The following CLIP2 variants were observed in gnomAD, a reference collection of about 807,000 sequenced individuals.
CLIP2 encodes the protein CAP-Gly domain-containing linker protein 2.
Under a neutral mutation model 111.7 loss-of-function variants are expected in CLIP2, and 41 were observed. The observed-to-expected ratio is 0.37, with a 90% CI of 0.29 to 0.48. The LOEUF (loss-of-function observed/expected upper bound fraction) is 0.48, where lower values mean the gene tolerates loss of function less well. Ranked by LOEUF, CLIP2 falls within the 20% of genes least tolerant of loss-of-function variation. CLIP2 has a pLI of 0.99. For missense variants in CLIP2, 1,160 were observed against 1,422.1 expected, an observed-to-expected ratio of 0.82 and a Z score of 2.96; for synonymous variants, 660 against 644.2, an observed-to-expected ratio of 1.02 and a Z score of -0.37.
At chr7:74,305,784 G>A (rs370142829) in intron 1 of CLIP2, among the ~76,000 whole-genome samples, 24 of 149,054 alleles carry the variant, frequency 1.6e-4, no homozygotes, top group East Asian at 3.9e-4. Context: ...ATGAGTCACC[G>A]CACCCGGTCA....
Position 74,376,864 on chromosome 7 carries a change from G to A in CLIP2, c.2421+42G>A. ...CCTGCTGGGGCGGGAGGGTCGGGCTGGGGAGGGCTTGGCCTTTTGCTGACC... is the reference window on the plus strand; with the variant it reads ...CCTGCTGGGGCGGGAGGGTCGGGCTAGGGAGGGCTTGGCCTTTTGCTGACC... On this transcript the variant is annotated intron_variant, in intron 10 of 16. Transcript: ENST00000223398. This position sits in a 1 kb window ranked among gnomAD's most constrained non-coding sequence, Gnocchi z 7.1. 6.7e-7 allele frequency: 1 copy of A among 1,487,426 alleles called. No individual in the cohort carries two copies. Among genetic ancestry groups the A allele is most frequent in the East Asian group, 2.4e-5 (1 of 41,076 alleles). The allele number at this position is 1,487,426 out of a possible 1,614,324, so 92.1% of individuals were successfully genotyped here.
intron 2 of CLIP2, among the ~76,000 whole-genome samples, chr7:74,318,402 A>G (rs1419037513): frequency 4.6e-5 from 7 of 151,994 alleles, no homozygotes; most frequent in Admixed American, 3.9e-4. Flanking sequence ...TTTCTTACCT[A>G]TTCTCTGCAG....
At chr7:74,335,502 CATTT>C (rs60843727) in intron 2 of CLIP2, among the ~76,000 whole-genome samples, 1 of 149,238 alleles carries the variant, frequency 6.7e-6, no homozygotes, top group Non-Finnish European at 1.5e-5. Context: ...CTTATTTATT[CATTT>C]ATTTATTTAT....
In CLIP2 at chr7:74,376,542, A is replaced by G. The variant is rs1234784073; in HGVS notation, c.2141A>G (p.His714Arg). 1 of 1,604,666 alleles carries G rather than the reference A, an allele frequency of 6.2e-7. No homozygotes were observed. The highest frequency in any genetic ancestry group is 1.7e-5 in the Admixed American group (1 of 57,314). ...RAQLEVQASQ[H>R]RLELQEAQDQ... ...CAGCTGGAGGTGCAAGCCAGCCAGC[A>G]CCGGCTGGAGCTGCAGGAGGCCCAG... Residue 714 changes from histidine to arginine, a missense_variant, in exon 10 of 17, where the codon CAC becomes CGC. By Grantham distance (29) the His-to-Arg change is conservative. Around this residue, in one of 5 missense-constraint regions of CLIP2, gnomAD observed 676 missense variants for 777.8 expected, o/e 0.87. Transcript: ENST00000223398. The surrounding 1 kb of genome is among the most constrained non-coding windows in gnomAD (Gnocchi z 7.1).
intron 1 of CLIP2, among the ~76,000 whole-genome samples, chr7:74,312,695 C>T (rs1788671526): frequency 6.6e-6 from 1 of 152,132 alleles, no homozygotes; most frequent in African/African-American, 2.4e-5. Flanking sequence ...CCCCAGAATT[C>T]CCGGGGCACC....
intron 10 of CLIP2, among the ~76,000 whole-genome samples, chr7:74,378,705 A>C (rs766486934): frequency 6.6e-6 from 1 of 152,136 alleles, no homozygotes; most frequent in Non-Finnish European, 1.5e-5. Flanking sequence ...GCACCACTGC[A>C]CTCCAGCCTG....
chr7:74,398,942 C>G (rs1209313483), intron 14 of CLIP2, among the ~76,000 whole-genome samples: 1 of 152,190 alleles, frequency 6.6e-6, no homozygotes, highest in Non-Finnish European at 1.5e-5. Flanking sequence ...GTCAAGTTTA[C>G]TTGGGAAGTG....
At chr7:74,351,253 G>T (rs1166464799) in intron 3 of CLIP2, among the ~76,000 whole-genome samples, 10 of 151,712 alleles carry the variant, frequency 6.6e-5, no homozygotes, top group Admixed American at 5.9e-4. Flanking sequence ...CTTGAGCCCG[G>T]AAGTTTGAGA....
intron 10 of CLIP2, chr7:74,379,937 AC>A (rs1394494074): frequency 4.6e-5 from 7 of 151,612 alleles, no homozygotes; most frequent in African/African-American, 1.7e-4. Flanking sequence ...TCAGGGCGAG[AC>A]TCCTTCTCAA....
At chr7:74,397,732 T>C (rs1791499799) in intron 14 of CLIP2, among the ~76,000 whole-genome samples, 4 of 145,378 alleles carry the variant, frequency 2.8e-5, no homozygotes. Context: ...AGTGGCGCGA[T>C]CTCAGCTCAC....
chr7:74,386,503 C>G lies in CLIP2; in HGVS notation c.2480-18C>G. 1.9e-6 allele frequency: 3 copies of G among 1,606,770 alleles called. No individual in the cohort carries two copies. The highest frequency in any genetic ancestry group is 2.6e-6 in the Non-Finnish European group (3 of 1,174,838). Reference sequence around the variant, plus strand: ...GTCCAGGAGCATTGATGCTTCTCGTCTCTCCTCTCTCCCCTAGGCCTGCAG... The same window carrying G: ...GTCCAGGAGCATTGATGCTTCTCGTGTCTCCTCTCTCCCCTAGGCCTGCAG... On this transcript the variant is annotated intron_variant, in intron 11 of 16. Transcript: ENST00000223398.
chr7:74,304,882 C>A (rs1788432882), intron 1 of CLIP2, among the ~76,000 whole-genome samples: 1 of 151,810 alleles, frequency 6.6e-6, no homozygotes, highest in South Asian at 2.1e-4. Context: ...GAGTTCAAGG[C>A]TACAGTGAGC....
chr7:74,346,939 TGAG>T (rs1409757004), intron 3 of CLIP2, among the ~76,000 whole-genome samples: 1 of 152,004 alleles, frequency 6.6e-6, no homozygotes, highest in African/African-American at 2.4e-5. Flanking sequence ...CTCAGGAGGC[TGAG>T]GAGGGAGGAC....
At chr7:74,300,457 C>CT (rs34522776) in intron 1 of CLIP2, among the ~76,000 whole-genome samples, 72 of 130,410 alleles carry the variant, frequency 5.5e-4, no homozygotes, top group African/African-American at 7.1e-4. Context: ...TGATTTCATT[C>CT]TTTTTTTTTT....
chr7:74,296,299 A>G (rs935368523), intron 1 of CLIP2, among the ~76,000 whole-genome samples: 5 of 151,222 alleles, frequency 3.3e-5, no homozygotes, highest in African/African-American at 9.7e-5. Flanking sequence ...ACCTGAGATA[A>G]GGAGTTCAAG....
In CLIP2 at chr7:74,397,212, G is replaced by A. The variant is rs374425291; in HGVS notation, c.2859G>A (p.Leu953=). 74 of 1,613,720 alleles carry A rather than the reference G, an allele frequency of 4.6e-5. 2 individuals carry two copies. Among genetic ancestry groups the A allele is most frequent in the Non-Finnish European group, 5.8e-5 (69 of 1,179,950 alleles). ...EQKLKDDIRG[L]REKLTGLDKE... is the part of the protein sequence containing the mutation. ...AACTCAAGGATGACATCCGGGGCCTGCGTGAAAAGCTGACCGGGCTGGTAT... is the reference window on the plus strand; with the variant it reads ...AACTCAAGGATGACATCCGGGGCCTACGTGAAAAGCTGACCGGGCTGGTAT... Residue 953 remains leucine, a synonymous_variant, in exon 14 of 17, where the codon CTG becomes CTA. Transcript: ENST00000223398.
intron 13 of CLIP2, among the ~76,000 whole-genome samples, chr7:74,390,819 G>A (rs1791275497): frequency 6.6e-6 from 1 of 151,984 alleles, no homozygotes; most frequent in East Asian, 1.9e-4. Flanking sequence ...AGGTCGAGGT[G>A]GGCAGATCAC....
In CLIP2 at chr7:74,401,366, G is replaced by A. The variant is rs558636281; in HGVS notation, c.3067-139G>A. ...CTTACCCCTAGAGGCTTGGTCTTTG[G>A]GGGTGCTGGGAGCCCCAGGCTGAAG... is the stretch of plus-strand genomic sequence containing the variant. On this transcript the variant is annotated intron_variant, in intron 15 of 16. Transcript: ENST00000223398. 5.4e-6 allele frequency: 4 copies of A among 746,228 alleles called. 1 individual carries two copies. In the East Asian group the frequency reaches 8.1e-5, roughly 15 times the overall value. 46.2% of individuals were successfully genotyped at this position (746,228 alleles called of 1,614,324 possible).
chr7:74,294,230 C>T (rs975411388), intron 1 of CLIP2, among the ~76,000 whole-genome samples: 2 of 152,212 alleles, frequency 1.3e-5, no homozygotes, highest in African/African-American at 4.8e-5. Flanking sequence ...CTGCGCCCAG[C>T]CAGAGCCTCC....
Sources: gnomAD v4.1 joint callset for allele counts (sites outside exome capture counted in the v4.1 genomes callset) on GRCh38, gnomAD v4.1.1 for gene constraint, gnomAD v4.1.1 regional missense constraint, Gnocchi (gnomAD v3.1) non-coding constraint, MANE v1.5 for transcripts, NCBI Gene and HGNC (gene_info 2026-07-23, HGNC 2026-07-21) for gene names.